Variants in TM9SF4 observed in about 807,000 individuals in gnomAD.
TM9SF4 encodes the protein transmembrane 9 superfamily member 4, also known as dinucleotide oxidase disulfide thiol exchanger 3 superfamily member 4.
In TM9SF4, 26 loss-of-function variants were observed where a neutral mutation model predicts 90.4. The observed-to-expected ratio is 0.29, with a 90% CI of 0.21 to 0.40. The LOEUF (loss-of-function observed/expected upper bound fraction) is 0.40, where lower values mean the gene tolerates loss of function less well. TM9SF4 is among the 10% of genes least tolerant of loss of function. TM9SF4 has a pLI of 1.00. For missense variants in TM9SF4, 549 were observed against 834.8 expected (o/e 0.66, Z 4.22); for synonymous variants, 293 against 315.4 (o/e 0.93, Z 0.75).
At chr20:32,156,633 G>A (rs1334807396) in intron 13 of TM9SF4, among the ~76,000 whole-genome samples, 1 of 152,124 alleles carries the variant, frequency 6.6e-6, no homozygotes, top group Non-Finnish European at 1.5e-5. Flanking sequence ...TTGAGACAGG[G>A]TCTCACTCTG....
At chr20:32,159,825 GGCTCACCCCCT>G in intron 15 of TM9SF4, 156 bp from the exon 16 acceptor site, 1 of 917,490 alleles carries the variant, frequency 1.1e-6, no homozygotes, top group South Asian at 1.6e-5. Flanking sequence ...AGGACAGTGT[GGCTCACCCCCT>G]GCTCTGGGGA....
At chr20:32,159,288 C>G (rs1488016051) in intron 15 of TM9SF4, 1 of 152,444 alleles carries the variant, frequency 6.6e-6, no homozygotes, top group African/African-American at 2.4e-5. Flanking sequence ...GATGACTCCT[C>G]CCAAAGAGTG....
intron 1 of TM9SF4, among the ~76,000 whole-genome samples, chr20:32,119,998 T>C (rs2046281321): frequency 6.6e-6 from 1 of 152,208 alleles, no homozygotes; most frequent in South Asian, 2.1e-4. Flanking sequence ...GACTTTTAAT[T>C]ATTTTCCACT....
chr20:32,155,026 C>G (rs2046898073), intron 12 of TM9SF4, 77 bp from the exon 13 acceptor site: 1 of 1,060,666 alleles, frequency 9.4e-7, no homozygotes, highest in Non-Finnish European at 1.5e-6. Context: ...TTAAGAGCTT[C>G]TGGTCTGGGG....
At chr20:32,132,042 G>GT (rs1180902615) in intron 1 of TM9SF4, among the ~76,000 whole-genome samples, 3 of 152,190 alleles carry the variant, frequency 2.0e-5, no homozygotes, top group African/African-American at 7.2e-5. Flanking sequence ...CCCTGAGGTT[G>GT]TTTTTTAGAT....
chr20:32,157,153 A>T (rs2046937682), intron 13 of TM9SF4, among the ~76,000 whole-genome samples: 1 of 145,618 alleles, frequency 6.9e-6, no homozygotes, highest in African/African-American at 2.5e-5. Context: ...GGGTTTTACC[A>T]TGTTGGCCAG....
chr20:32,163,478 C>T (rs905663384), intron 17 of TM9SF4, among the ~76,000 whole-genome samples: 3 of 150,616 alleles, frequency 2.0e-5, no homozygotes, highest in East Asian at 1.9e-4. Flanking sequence ...GACTGTCTTT[C>T]GTCTACCATG....
At chr20:32,140,269 G>A (rs2046653014) in intron 3 of TM9SF4, among the ~76,000 whole-genome samples, 1 of 149,194 alleles carries the variant, frequency 6.7e-6, no homozygotes, top group Non-Finnish European at 1.5e-5. Context: ...GTCCCTAACT[G>A]CTCAGTGCCT....
chr20:32,153,805 C>G (rs1288622486), intron 12 of TM9SF4, among the ~76,000 whole-genome samples: 1 of 152,190 alleles, frequency 6.6e-6, no homozygotes, highest in Non-Finnish European at 1.5e-5. Flanking sequence ...ACTAGAATCC[C>G]TGTGCCTATA....
rs776532088 is a variant in TM9SF4 at position 32,150,788 on chromosome 20, A to G, written c.1170-12A>G. 6.2e-7 allele frequency: 1 copy of G among 1,613,848 alleles called. No individual in the cohort carries two copies. Among genetic ancestry groups the G allele is most frequent in the Middle Eastern group, 1.7e-4 (1 of 6,060 alleles). On this transcript the variant is annotated splice_polypyrimidine_tract_variant and intron_variant, in intron 11 of 17. Coordinates refer to ENST00000398022, the MANE Select transcript of TM9SF4 (RefSeq NM_014742.4). ...GGTCCCCTTGGTGTGGATCCCTGCC[A>G]TTTTCCCACAGGGTGTTTGGCGGAT...
intron 1 of TM9SF4, among the ~76,000 whole-genome samples, chr20:32,113,975 A>G (rs1337617190): frequency 6.6e-6 from 1 of 152,228 alleles, no homozygotes; most frequent in Non-Finnish European, 1.5e-5. Flanking sequence ...ATGTTGTATC[A>G]TGTATCAGTA....
chr20:32,143,928 T>C (rs2046719870), intron 6 of TM9SF4, among the ~76,000 whole-genome samples: 1 of 151,358 alleles, frequency 6.6e-6, no homozygotes, highest in Non-Finnish European at 1.5e-5. Context: ...TCTCCCTGTC[T>C]CCTTTTCTTA....
intron 8 of TM9SF4, among the ~76,000 whole-genome samples, 193 bp downstream of exon 8, chr20:32,145,616 G>A (rs1426898658): frequency 6.6e-6 from 1 of 152,088 alleles, no homozygotes; most frequent in Non-Finnish European, 1.5e-5. Context: ...TAGAACTCTG[G>A]AGAGCTCATT....
chr20:32,152,047 T>A (rs1037019068), intron 12 of TM9SF4, among the ~76,000 whole-genome samples: 1 of 151,210 alleles, frequency 6.6e-6, no homozygotes, highest in Non-Finnish European at 1.5e-5. Flanking sequence ...TTTTTTTGTA[T>A]TTTTAGTAGA....
chr20:32,136,892 G>C, intron 3 of TM9SF4: 2 of 471,212 alleles, frequency 4.2e-6, no homozygotes, highest in South Asian at 3.1e-5. Flanking sequence ...AGAAAGGAGA[G>C]AACTGGTTCT....
chr20:32,132,469 C>T (rs946214762), intron 1 of TM9SF4, among the ~76,000 whole-genome samples: 11 of 151,390 alleles, frequency 7.3e-5, no homozygotes, highest in African/African-American at 2.2e-4. Context: ...ACAGTAAAGA[C>T]GAAGGCCCTG....
At chr20:32,152,161 C>T (rs1185826500) in intron 12 of TM9SF4, among the ~76,000 whole-genome samples, 3 of 151,970 alleles carry the variant, frequency 2.0e-5, no homozygotes, top group Non-Finnish European at 4.4e-5. Flanking sequence ...TGAGCCACCA[C>T]GCCCAGCCAA....
intron 3 of TM9SF4, among the ~76,000 whole-genome samples, chr20:32,139,297 A>G (rs1245969282): frequency 2.0e-5 from 3 of 152,210 alleles, no homozygotes; most frequent in Non-Finnish European, 4.4e-5. Context: ...TGCCCACTTG[A>G]TATATCCAAA....
rs1600359199 is a variant in TM9SF4, at chr20:32,167,252, C to G, written c.*1808C>G. On this transcript the variant is annotated 3_prime_UTR_variant, in exon 18 of 18. Coordinates refer to ENST00000398022, the MANE Select transcript of TM9SF4 (RefSeq NM_014742.4). Reference sequence around the variant, plus strand: ...GGATTGTAAATAAATATACCATTGTCCTACTGTTTTGTCTTGAATCTCATG... The same window carrying G: ...GGATTGTAAATAAATATACCATTGTGCTACTGTTTTGTCTTGAATCTCATG... The G allele has an allele frequency of 6.6e-6, 1 of 152,056 alleles. No individual in the cohort carries two copies. Among genetic ancestry groups the G allele is most frequent in the Admixed American group, 6.5e-5 (1 of 15,282 alleles). 9.4% of individuals were successfully genotyped at this position (152,056 alleles called of 1,614,324 possible).
Sources: gnomAD v4.1 joint callset for allele counts (sites outside exome capture counted in the v4.1 genomes callset) on GRCh38, gnomAD v4.1.1 for gene constraint, MANE v1.5 for transcripts, NCBI Gene and HGNC (gene_info 2026-07-23, HGNC 2026-07-21) for gene names.